Variants in TJP1 observed in about 807,000 individuals in gnomAD.
TJP1 encodes the protein tight junction protein ZO-1.
In TJP1, 43 loss-of-function variants were observed where a neutral mutation model predicts 194.2. The ratio of observed to expected loss-of-function variants is 0.22; its 90% CI spans 0.17 to 0.29. TJP1 has a LOEUF of 0.29. Among genes scored for constraint, TJP1 ranks in the 10% least tolerant of loss-of-function variants. TJP1 has a pLI of 1.00. For synonymous variants in TJP1, 801 were observed against 779.0 expected (o/e 1.03, Z -0.47); for missense variants, 1,971 against 2,185.7 (o/e 0.90, Z 1.96).
intron 2 of TJP1, among the ~76,000 whole-genome samples, chr15:29,789,859 TTC>T (rs1299012795): frequency 3.9e-5 from 6 of 152,198 alleles, no homozygotes; most frequent in African/African-American, 1.2e-4. Context: ...AGAACAAGCT[TTC>T]TGATTCCTCT....
intron 2 of TJP1, among the ~76,000 whole-genome samples, chr15:29,940,845 C>T (rs56685519): frequency 0.049 from 7,517 of 152,160 alleles, 556 homozygotes; most frequent in African/African-American, 0.16. Flanking sequence ...CCCCACTGCC[C>T]ATGGCCTATG....
chr15:29,753,681 G>A (rs904444724), intron 8 of TJP1, among the ~76,000 whole-genome samples: 12 of 151,940 alleles, frequency 7.9e-5, no homozygotes, highest in African/African-American at 2.9e-4. Flanking sequence ...TCAGAACTAT[G>A]CACATTGGTC....
intron 1 of TJP1, among the ~76,000 whole-genome samples, chr15:29,819,927 A>G (rs1304768552): frequency 6.6e-6 from 1 of 152,208 alleles, no homozygotes; most frequent in Non-Finnish European, 1.5e-5. Flanking sequence ...AGAATCTGAT[A>G]TACAGTAATA....
Position 29,705,425 on chromosome 15 carries a change from G to C in TJP1, c.5068+103C>G, listed in dbSNP as rs45502791. 2.4e-4 allele frequency: 293 copies of C among 1,198,354 alleles called. 3 individuals carry two copies. In the East Asian group the frequency reaches 7.3e-3, roughly 30 times the overall value. 74.2% of individuals were successfully genotyped at this position (1,198,354 alleles called of 1,614,324 possible). A position where few individuals can be genotyped will look rare whatever the true frequency, so the allele number is the denominator to read the frequency against. On this transcript the variant is annotated intron_variant, in intron 26 of 27. Coordinates refer to ENST00000614355, the MANE Select transcript of TJP1 (RefSeq NM_001330239.4). ...CCCCTCGCTACAGCACTCATCTGGA[G>C]ATAGAGAGGTGCTGCATTATTAGCC...
Position 29,938,408 on chromosome 15 carries a change from G to A in TJP1, c.306+17824C>T, listed in dbSNP as rs1293833205. 2.1e-5 allele frequency among the ~76,000 whole-genome samples: 3 copies of A among 140,934 alleles called. No individual in the cohort carries two copies. In the East Asian group the frequency reaches 7.0e-4, roughly 33 times the overall value. 92.5% of individuals were successfully genotyped at this position (140,934 alleles called of 152,430 possible). A position where few individuals can be genotyped will look rare whatever the true frequency, so the allele number is the denominator to read the frequency against. ...CTTATGTTATATTAAACATGAAAAT[G>A]ATATCAAAGCATAATTATGAAATCG... On this transcript the variant is annotated intron_variant, in intron 2 of 28. Coordinates refer to the TJP1 transcript ENST00000356107.
intron 2 of TJP1, among the ~76,000 whole-genome samples, chr15:29,928,378 C>T (rs766932816): frequency 1.3e-5 from 2 of 152,148 alleles, no homozygotes; most frequent in African/African-American, 2.4e-5. Context: ...TAAGTGACAA[C>T]GACAAGTGTT....
intron 15 of TJP1, chr15:29,728,940 A>G (rs1466690824): frequency 1.3e-5 from 2 of 152,210 alleles, no homozygotes; most frequent in African/African-American, 4.8e-5. Flanking sequence ...CTCAACTCAA[A>G]AGACTGTCAT....
intron 2 of TJP1, among the ~76,000 whole-genome samples, chr15:29,949,385 T>TCCA (rs1223944021): frequency 1.0e-5 from 1 of 98,752 alleles, no homozygotes; most frequent in African/African-American, 3.6e-5. Context: ...CACTGCTACC[T>TCCA]CCACCACCAC....
intron 1 of TJP1, among the ~76,000 whole-genome samples, chr15:29,965,828 G>C (rs1189696118): frequency 6.6e-6 from 1 of 152,184 alleles, no homozygotes; most frequent in African/African-American, 2.4e-5. Context: ...AGTCTTCATA[G>C]AGCATACCCT....
At chr15:29,885,039 T>C (rs1397018900) in intron 2 of TJP1, among the ~76,000 whole-genome samples, 5 of 152,156 alleles carry the variant, frequency 3.3e-5, no homozygotes, top group Admixed American at 6.5e-5. Flanking sequence ...TTATACAAAC[T>C]AAAAATTAGA....
intron 2 of TJP1, among the ~76,000 whole-genome samples, chr15:29,879,689 C>T (rs774270594): frequency 2.7e-5 from 4 of 150,238 alleles, no homozygotes; most frequent in Non-Finnish European, 5.9e-5. Context: ...TGTGCACTTT[C>T]GCATATAGCT....
chr15:29,749,148 GT>G (rs71103409), intron 8 of TJP1, among the ~76,000 whole-genome samples: 147 of 141,162 alleles, frequency 1.0e-3, no homozygotes, highest in Middle Eastern at 7.7e-3. Context: ...AGTTTCTGTT[GT>G]TTTTTTTTTT....
intron 15 of TJP1, 44 bp downstream of exon 15, chr15:29,732,389 G>T: frequency 1.3e-6 from 2 of 1,525,388 alleles, no homozygotes; most frequent in South Asian, 1.1e-5. Context: ...CACTTTAGAG[G>T]TGTAACTCCC....
chr15:29,911,541 G>A (rs1237334436), intron 2 of TJP1, among the ~76,000 whole-genome samples: 6 of 152,120 alleles, frequency 3.9e-5, no homozygotes, highest in Admixed American at 3.9e-4. Context: ...GAAGGCAAAG[G>A]GGAAGCATGC....
intron 24 of TJP1, among the ~76,000 whole-genome samples, chr15:29,710,304 G>C (rs982400140): frequency 6.6e-6 from 1 of 152,186 alleles, no homozygotes; most frequent in African/African-American, 2.4e-5. Context: ...ACAAGCCCAA[G>C]GAGGTGCCTC....
intron 2 of TJP1, among the ~76,000 whole-genome samples, chr15:29,854,533 G>C (rs2051770089): frequency 6.6e-6 from 1 of 152,088 alleles, no homozygotes; most frequent in Non-Finnish European, 1.5e-5. Flanking sequence ...GGAATGCCAG[G>C]GCATCACCAG....
chr15:29,793,851 C>A (rs1006438586), intron 2 of TJP1, among the ~76,000 whole-genome samples: 1 of 152,062 alleles, frequency 6.6e-6, no homozygotes, highest in African/African-American at 2.4e-5. Context: ...GGGATGAATC[C>A]CACTTGATTA....
chr15:29,884,940 T>C (rs2053065750), intron 2 of TJP1, among the ~76,000 whole-genome samples: 1 of 152,220 alleles, frequency 6.6e-6, no homozygotes, highest in Non-Finnish European at 1.5e-5. Flanking sequence ...GGACAAGGGA[T>C]AAACTCACCT....
chr15:29,753,487 A>C, intron 8 of TJP1, among the ~76,000 whole-genome samples: 1 of 149,842 alleles, frequency 6.7e-6, no homozygotes, highest in East Asian at 2.0e-4. Flanking sequence ...CTGTGTCAAA[A>C]AAAAAAAAAA....
Sources: gnomAD v4.1 joint callset for allele counts (sites outside exome capture counted in the v4.1 genomes callset) on GRCh38, gnomAD v4.1.1 for gene constraint, MANE v1.5 for transcripts, NCBI Gene and HGNC (gene_info 2026-07-23, HGNC 2026-07-21) for gene names.